BABAM2: variants seen among roughly 807,000 people sequenced by gnomAD.
BABAM2 encodes BRISC and BRCA1-A complex member 2.
Under a neutral mutation model 54.7 loss-of-function variants are expected in BABAM2, and 31 were observed. The observed-to-expected ratio is 0.57, with a 90% confidence interval of 0.43 to 0.77. The LOEUF is 0.77. Among genes scored for constraint, BABAM2 ranks in the 30% least tolerant of loss-of-function variants. The probability of loss-of-function intolerance (pLI) is 0.00; values close to 1 mark genes in which losing one functional copy is unlikely to be tolerated. For missense variants in BABAM2, 364 were observed against 455.8 expected (o/e 0.80, Z 1.83); for synonymous variants, 167 against 162.9 (o/e 1.03, Z -0.19).
intron 3 of BABAM2, among the ~76,000 whole-genome samples, chr2:27,944,635 A>G (rs1387001099): frequency 1.3e-5 from 2 of 151,992 alleles, no homozygotes; most frequent in African/African-American, 2.4e-5. Flanking sequence ...ATTGAAGGAC[A>G]TTCGGATTTT....
intron 4 of BABAM2, among the ~76,000 whole-genome samples, chr2:27,998,307 T>C (rs1196458748): frequency 1.3e-5 from 2 of 151,698 alleles, no homozygotes; most frequent in African/African-American, 4.8e-5. Flanking sequence ...ACAAAAAATA[T>C]TAATAATAAT....
chr2:28,213,456 A>T (rs1679654073), intron 7 of BABAM2, among the ~76,000 whole-genome samples: 1 of 152,132 alleles, frequency 6.6e-6, no homozygotes, highest in African/African-American at 2.4e-5. Flanking sequence ...TTAATATATG[A>T]GTAACATAGA....
chr2:28,274,683 C>T lies in BABAM2; in HGVS notation c.935-23655C>T, dbSNP rs114101508. Among the ~76,000 whole-genome samples the T allele has an allele frequency of 8.3e-3, 1,268 of 152,276 alleles. 13 individuals carry two copies. The highest frequency in any genetic ancestry group is 0.029 in the African/African-American group (1,204 of 41,560). ...TTTAACTCTTTGTTATGCACAGCGCCTGGCCCGGTGTTAGGCACTAGACAA... is the reference window on the plus strand; with the variant it reads ...TTTAACTCTTTGTTATGCACAGCGCTTGGCCCGGTGTTAGGCACTAGACAA... On this transcript the variant is annotated intron_variant, in intron 10 of 11. Transcript: ENST00000379624.
In BABAM2 at chr2:28,298,447, G is replaced by C; in HGVS notation, c.1044G>C (p.Pro348=). The part of the protein sequence containing the change: ...QLYSQAQKNY[P]YSPRWDGNEM... ...ACTCCCAGGCCCAAAAAAATTATCC[G>C]TACAGCCCCAGATGGGATGGAAATG... The change falls in exon 11 of 12, where the codon CCG becomes CCC. Residue 348 remains proline, a synonymous_variant. Coordinates refer to ENST00000379624, the MANE Select transcript of BABAM2 (RefSeq NM_199191.3). 6.2e-7 allele frequency: 1 copy of C among 1,614,072 alleles called. No homozygotes were observed. The highest frequency in any genetic ancestry group is 8.5e-7 in the Non-Finnish European group (1 of 1,180,008).
At chr2:28,280,735 G>A (rs917187087) in intron 10 of BABAM2, among the ~76,000 whole-genome samples, 6 of 152,110 alleles carry the variant, frequency 3.9e-5, no homozygotes, top group African/African-American at 9.7e-5. Flanking sequence ...AAGGTCAAGC[G>A]GTGACTTAGC....
At chr2:28,207,961 A>G (rs1281017485) in intron 7 of BABAM2, among the ~76,000 whole-genome samples, 1 of 152,204 alleles carries the variant, frequency 6.6e-6, no homozygotes, top group Non-Finnish European at 1.5e-5. Context: ...GAATACATAC[A>G]TACAAAGAGA....
chr2:27,982,906 C>T (rs960076966), intron 3 of BABAM2, among the ~76,000 whole-genome samples: 1 of 150,004 alleles, frequency 6.7e-6, no homozygotes, highest in African/African-American at 2.5e-5. Flanking sequence ...TTGGTTTATC[C>T]ATTCATCTGT....
intron 7 of BABAM2, among the ~76,000 whole-genome samples, chr2:28,132,336 C>T (rs1460084684): frequency 1.3e-5 from 2 of 152,018 alleles, no homozygotes; most frequent in African/African-American, 4.8e-5. Flanking sequence ...GACGGGGTTT[C>T]ACCATGTTAG....
At chr2:28,054,579 C>T (rs950207408) in intron 6 of BABAM2, among the ~76,000 whole-genome samples, 1 of 152,072 alleles carries the variant, frequency 6.6e-6, no homozygotes, top group Non-Finnish European at 1.5e-5. Context: ...GGGATTAATA[C>T]CCTTATGAAA....
chr2:27,980,408 T>C (rs575705884), intron 3 of BABAM2, among the ~76,000 whole-genome samples: 3 of 152,342 alleles, frequency 2.0e-5, no homozygotes, highest in African/African-American at 7.2e-5. Context: ...CTATGTTTTC[T>C]ACTTCCTGTA....
At chr2:28,108,341 G>C (rs867600663) in intron 6 of BABAM2, among the ~76,000 whole-genome samples, 3 of 152,138 alleles carry the variant, frequency 2.0e-5, no homozygotes, top group African/African-American at 7.2e-5. Context: ...GCTGTTAATA[G>C]CTTCCCTGGA....
At chr2:28,165,638 G>C (rs1673593689) in intron 7 of BABAM2, among the ~76,000 whole-genome samples, 1 of 150,634 alleles carries the variant, frequency 6.6e-6, no homozygotes, top group Non-Finnish European at 1.5e-5. Context: ...GGGTTCAAGG[G>C]ATTCTCCTGC....
At chr2:28,119,498 T>A (rs1326871917) in intron 6 of BABAM2, among the ~76,000 whole-genome samples, 1 of 152,220 alleles carries the variant, frequency 6.6e-6, no homozygotes, top group African/African-American at 2.4e-5. Context: ...CTGTTGGGTA[T>A]AATAACTGAT....
At chr2:28,159,759 A>C (rs1672879584) in intron 7 of BABAM2, among the ~76,000 whole-genome samples, 1 of 152,082 alleles carries the variant, frequency 6.6e-6, no homozygotes, top group Non-Finnish European at 1.5e-5. Flanking sequence ...AAGCACCTGT[A>C]ATCCCAGCGA....
At chr2:27,966,915 C>A (rs1238600658) in intron 3 of BABAM2, among the ~76,000 whole-genome samples, 1 of 152,136 alleles carries the variant, frequency 6.6e-6, no homozygotes, top group African/African-American at 2.4e-5. Context: ...AATACCAAAG[C>A]CTTATCTTAT....
At chr2:27,926,695 A>T (rs963284955) in intron 2 of BABAM2, among the ~76,000 whole-genome samples, 4 of 152,210 alleles carry the variant, frequency 2.6e-5, no homozygotes, top group Non-Finnish European at 4.4e-5. Context: ...CTGTCTCGTC[A>T]GTCCTATAAT....
intron 10 of BABAM2, among the ~76,000 whole-genome samples, chr2:28,248,858 C>T (rs1683154982): frequency 6.6e-6 from 1 of 152,106 alleles, no homozygotes. Context: ...CTCTTGTTTT[C>T]CTCTACCTCC....
intron 3 of BABAM2, among the ~76,000 whole-genome samples, chr2:27,947,335 C>G (rs745939332): frequency 1.3e-5 from 2 of 151,932 alleles, no homozygotes; most frequent in Non-Finnish European, 2.9e-5. Context: ...CATGGCTGTT[C>G]TAGTGTTCAG....
intron 11 of BABAM2, among the ~76,000 whole-genome samples, chr2:28,335,151 C>CTTTTTTTTT (rs1691318102): frequency 8.6e-6 from 1 of 115,710 alleles, no homozygotes; most frequent in South Asian, 2.9e-4. Context: ...TCTCTCCCAC[C>CTTTTTTTTT]TTCTTTTTTT....
Sources: allele counts gnomAD v4.1 joint callset (sites outside exome capture counted in the v4.1 genomes callset), GRCh38; gene constraint gnomAD v4.1.1; transcripts MANE v1.5; gene names NCBI Gene and HGNC (gene_info 2026-07-23, HGNC 2026-07-21).